Variants in GPHN observed in about 807,000 individuals in gnomAD.
GPHN encodes the protein gephyrin.
In GPHN, 17 loss-of-function variants were observed where a neutral mutation model predicts 95.5. The ratio of observed to expected loss-of-function variants is 0.18; its 90% confidence interval spans 0.12 to 0.27. The LOEUF (loss-of-function observed/expected upper bound fraction) is 0.27. Ranked by LOEUF, GPHN falls within the 10% of genes least tolerant of loss-of-function variation. The pLI is 1.00. For missense variants in GPHN, 660 were observed against 978.1 expected (o/e 0.67, Z 4.34); for synonymous variants, 320 against 322.5 (o/e 0.99, Z 0.08).
chr14:66,849,375 T>G (rs377414748), intron 4 of GPHN, among the ~76,000 whole-genome samples: 1 of 152,064 alleles, frequency 6.6e-6, no homozygotes, highest in East Asian at 1.9e-4. Flanking sequence ...TTATGTATAC[T>G]TCTAATGATC....
At chr14:66,545,934 C>T (rs1480211314) in intron 1 of GPHN, among the ~76,000 whole-genome samples, 6 of 148,028 alleles carry the variant, frequency 4.1e-5, no homozygotes, top group East Asian at 4.2e-4. Context: ...CCTTCCTGGA[C>T]GGGGTGGCTG....
At chr14:67,143,187 A>G (rs2080595552) in intron 17 of GPHN, 175 bp from the exon 18 acceptor site, 3 of 610,184 alleles carry the variant, frequency 4.9e-6, no homozygotes, top group Non-Finnish European at 6.0e-6. Flanking sequence ...TTTCTCCATA[A>G]TAAGACTTAA....
At chr14:66,545,614 C>A (rs2059546357) in intron 1 of GPHN, among the ~76,000 whole-genome samples, 1 of 122,072 alleles carries the variant, frequency 8.2e-6, no homozygotes, top group South Asian at 2.7e-4. Context: ...GGGGGCTGAC[C>A]CCCCCACCTC....
At chr14:67,347,390 C>T in the GPHN span, 2 of 1,580,512 alleles carry the variant, frequency 1.3e-6, no homozygotes, top group Admixed American at 1.7e-5. Context: ...CAAAGTAATA[C>T]AAAAAGTTTC....
chr14:67,417,786 C>A, the GPHN span, among the ~76,000 whole-genome samples: 1 of 152,106 alleles, frequency 6.6e-6, no homozygotes, highest in African/African-American at 2.4e-5. Flanking sequence ...CTCTGTTGCC[C>A]AGGCTGGAAT....
At chr14:67,477,766 TA>T in the GPHN span, among the ~76,000 whole-genome samples, 1 of 152,186 alleles carries the variant, frequency 6.6e-6, no homozygotes, top group Non-Finnish European at 1.5e-5. Context: ...ACTCTGTCTC[TA>T]AAAAATAAAT....
the GPHN span, among the ~76,000 whole-genome samples, chr14:67,460,730 C>T: frequency 6.6e-6 from 1 of 152,064 alleles, no homozygotes; most frequent in Admixed American, 6.6e-5. Flanking sequence ...CAAAAAGGCT[C>T]TTTACCCCAT....
rs556049335 is a variant in GPHN at position 67,090,820 on chromosome 14, T to G, written c.1237+1745T>G. 3.6e-4 allele frequency among the ~76,000 whole-genome samples: 55 copies of G among 152,182 alleles called. No homozygotes were observed. The South Asian group carries it at 9.3e-3, about 26-fold the overall frequency. ...ATCTGTGTAACTTTGAGCAGCTCACTTAAATTTTTTAGCTTCAGTTTTCTT... is the reference window on the plus strand; with the variant it reads ...ATCTGTGTAACTTTGAGCAGCTCACGTAAATTTTTTAGCTTCAGTTTTCTT... On this transcript the variant is annotated intron_variant, in intron 12 of 22. Transcript: ENST00000478722.
the GPHN span, among the ~76,000 whole-genome samples, chr14:67,426,914 G>A: frequency 1.3e-5 from 2 of 152,098 alleles, no homozygotes; most frequent in African/African-American, 4.8e-5. Context: ...CAGATTCCTA[G>A]GGCTTATAGC....
At chr14:67,098,853 A>G (rs893486465) in intron 12 of GPHN, among the ~76,000 whole-genome samples, 1 of 151,830 alleles carries the variant, frequency 6.6e-6, no homozygotes, top group African/African-American at 2.4e-5. Context: ...GAGAGAGAGA[A>G]AATACCTAGG....
the GPHN span, chr14:67,585,930 C>T: frequency 6.2e-7 from 1 of 1,602,130 alleles, no homozygotes; most frequent in Non-Finnish European, 8.5e-7. Context: ...TTCCCCACAA[C>T]TGACTGGTTC....
At chr14:66,959,737 G>T (rs2068771643) in intron 8 of GPHN, among the ~76,000 whole-genome samples, 1 of 151,846 alleles carries the variant, frequency 6.6e-6, no homozygotes, top group South Asian at 2.1e-4. Context: ...TCCTGCTTGG[G>T]ATTGTTGAAC....
At chr14:67,220,520 G>T in the GPHN span, among the ~76,000 whole-genome samples, 1 of 151,598 alleles carries the variant, frequency 6.6e-6, no homozygotes, top group Admixed American at 6.6e-5. Context: ...AATTTAAATT[G>T]AGCATCTTAA....
chr14:67,548,894 GTA>G, the GPHN span, among the ~76,000 whole-genome samples: 2 of 152,122 alleles, frequency 1.3e-5, no homozygotes, highest in Non-Finnish European at 2.9e-5. Flanking sequence ...CCAAAAATTT[GTA>G]GTTCAGAAAT....
At chr14:67,145,537 G>A (rs918694230) in intron 18 of GPHN, among the ~76,000 whole-genome samples, 6 of 152,044 alleles carry the variant, frequency 3.9e-5, no homozygotes, top group Admixed American at 2.6e-4. Flanking sequence ...GGCATCCCAC[G>A]GTATTCCTTA....
chr14:67,212,805 A>T, the GPHN span, among the ~76,000 whole-genome samples: 1 of 151,818 alleles, frequency 6.6e-6, no homozygotes, highest in South Asian at 2.1e-4. Context: ...GGTGATCCTT[A>T]GGAGAGCCAC....
chr14:67,397,927 G>T, the GPHN span: 1 of 912,274 alleles, frequency 1.1e-6, no homozygotes, highest in Non-Finnish European at 1.6e-6. Flanking sequence ...ACTGTGCTGT[G>T]GAAATCAGTC....
At chr14:67,124,150 A>G (rs1027124164) in intron 17 of GPHN, among the ~76,000 whole-genome samples, 3 of 152,194 alleles carry the variant, frequency 2.0e-5, no homozygotes, top group African/African-American at 4.8e-5. Context: ...TCACACCTGT[A>G]ATCCCAGCAC....
At chr14:67,131,527 C>T (rs917801104) in intron 17 of GPHN, among the ~76,000 whole-genome samples, 2 of 152,096 alleles carry the variant, frequency 1.3e-5, no homozygotes, top group Non-Finnish European at 2.9e-5. Context: ...AAGCCTTGAC[C>T]ATAGGAGCAG....
Sources: gnomAD v4.1 joint callset for allele counts (sites outside exome capture counted in the v4.1 genomes callset) on GRCh38, gnomAD v4.1.1 for gene constraint, MANE v1.5 for transcripts, NCBI Gene and HGNC (gene_info 2026-07-23, HGNC 2026-07-21) for gene names.